SRBD1: variants seen among roughly 807,000 people sequenced by gnomAD.
SRBD1 encodes the protein S1 RNA-binding domain-containing protein 1.
Under a neutral mutation model 115.3 loss-of-function variants are expected in SRBD1, and 88 were observed. The observed-to-expected ratio is 0.76, with a 90% CI of 0.64 to 0.91. The LOEUF is 0.91. Among genes scored for constraint, SRBD1 ranks in the 40% least tolerant of loss-of-function variants. The pLI is 0.00. For missense variants in SRBD1, 1,385 were observed against 1,177.4 expected (o/e 1.18, Z -2.58); for synonymous variants, 509 against 407.7 (o/e 1.25, Z -2.99).
rs1312376605 is a variant in SRBD1 at position 45,504,639 on chromosome 2, C to T, written c.1875-16308G>A. Among the ~76,000 whole-genome samples the T allele has an allele frequency of 2.0e-5, 3 of 152,132 alleles. No individual in the cohort carries two copies. The East Asian group carries it at 5.8e-4, about 29-fold the overall frequency. ...CCAATTTCCTTCCTTAAACAGGTAGCTATCAATTACTAGAAGGCAAAAACT... is the reference window on the plus strand; with the variant it reads ...CCAATTTCCTTCCTTAAACAGGTAGTTATCAATTACTAGAAGGCAAAAACT... On this transcript the variant is annotated intron_variant, in intron 14 of 20. Coordinates refer to ENST00000263736, the MANE Select transcript of SRBD1 (RefSeq NM_018079.5).
At chr2:45,503,433 T>C (rs932272119) in intron 14 of SRBD1, among the ~76,000 whole-genome samples, 2 of 152,142 alleles carry the variant, frequency 1.3e-5, no homozygotes, top group African/African-American at 4.8e-5. Context: ...ATGTCTACTT[T>C]ACAAATTAAT....
chr2:45,447,488 T>C (rs1668862102), intron 16 of SRBD1: 1 of 152,070 alleles, frequency 6.6e-6, no homozygotes, highest in Admixed American at 6.6e-5. Flanking sequence ...ATTTCCTAAA[T>C]GGGTCAGATA....
chr2:45,580,143 G>A, intron 6 of SRBD1, 130 bp from the exon 7 acceptor site: 6 of 732,142 alleles, frequency 8.2e-6, no homozygotes, highest in Non-Finnish European at 1.2e-5. Flanking sequence ...TCTTCCTTCA[G>A]AGATGAATTA....
chr2:45,406,353 C>T (rs556867003), intron 19 of SRBD1, among the ~76,000 whole-genome samples: 2 of 152,240 alleles, frequency 1.3e-5, no homozygotes, highest in Admixed American at 6.5e-5. Context: ...AGGTGAATGT[C>T]AGAAGACACT....
chr2:45,530,203 C>G (rs1671570378), intron 14 of SRBD1, among the ~76,000 whole-genome samples: 1 of 151,858 alleles, frequency 6.6e-6, no homozygotes, highest in Non-Finnish European at 1.5e-5. Context: ...AAAAATATAC[C>G]CATTAACTGC....
intron 10 of SRBD1, among the ~76,000 whole-genome samples, chr2:45,554,303 T>C (rs1332252098): frequency 1.3e-5 from 2 of 152,224 alleles, no homozygotes; most frequent in African/African-American, 4.8e-5. Flanking sequence ...AGCTGGCATT[T>C]TGATCTTGGA....
chr2:45,491,785 A>G (rs1157751809), intron 14 of SRBD1, among the ~76,000 whole-genome samples: 3 of 152,212 alleles, frequency 2.0e-5, no homozygotes, highest in South Asian at 2.1e-4. Context: ...CAAATTTTTT[A>G]ACAAAAACCC....
intron 16 of SRBD1, among the ~76,000 whole-genome samples, chr2:45,437,082 A>C (rs1459067086): frequency 6.6e-6 from 1 of 152,182 alleles, no homozygotes. Context: ...TATAAGAAGA[A>C]AACTACAATA....
At chr2:45,444,538 T>C (rs1668762450) in intron 16 of SRBD1, among the ~76,000 whole-genome samples, 1 of 152,192 alleles carries the variant, frequency 6.6e-6, no homozygotes, top group African/African-American at 2.4e-5. Flanking sequence ...AAGTTTAAAA[T>C]AGCTTTGCTT....
At chr2:45,516,535 A>G (rs1470249374) in intron 14 of SRBD1, among the ~76,000 whole-genome samples, 4 of 152,244 alleles carry the variant, frequency 2.6e-5, no homozygotes, top group Non-Finnish European at 4.4e-5. Context: ...ATATATCTGG[A>G]ATAGTGTTCA....
chr2:45,574,648 G>C lies in SRBD1; in HGVS notation c.1148C>G (p.Thr383Arg), dbSNP rs1209270160. The stretch of plus-strand genomic sequence containing the variant: ...TCACAAGTTCCGAATGAAGTCAAGC[G>C]TGTCTTTGTCTTTAGCAATCATATC... The part of the protein sequence containing the change: ...LADMIAKDKD[T>R]LDFIRNLCQK... Residue 383 changes from threonine to arginine, a missense_variant, in exon 8 of 21, where the codon ACG becomes AGG. Transcript: ENST00000263736. 1 of 1,613,474 alleles carries C rather than the reference G, an allele frequency of 6.2e-7. No homozygotes were observed. Among genetic ancestry groups the C allele is most frequent in the Non-Finnish European group, 8.5e-7 (1 of 1,179,732 alleles).
chr2:45,460,152 C>T (rs1213589010), intron 16 of SRBD1, among the ~76,000 whole-genome samples: 1 of 152,176 alleles, frequency 6.6e-6, no homozygotes, highest in African/African-American at 2.4e-5. Flanking sequence ...ATTTTATTCA[C>T]AATCATGCCC....
At chr2:45,433,436 C>G (rs1413433948) in intron 16 of SRBD1, among the ~76,000 whole-genome samples, 1 of 150,004 alleles carries the variant, frequency 6.7e-6, no homozygotes, top group Non-Finnish European at 1.5e-5. Flanking sequence ...TAAGCTTAAC[C>G]CAGGAAAAAA....
chr2:45,529,691 C>T (rs375561148), intron 14 of SRBD1, among the ~76,000 whole-genome samples: 20 of 151,886 alleles, frequency 1.3e-4, no homozygotes, highest in African/African-American at 4.8e-4. Context: ...TTAGGGATTC[C>T]CCAAATAGGA....
intron 20 of SRBD1, among the ~76,000 whole-genome samples, chr2:45,392,160 G>C (rs1045730759): frequency 1.3e-5 from 2 of 152,060 alleles, no homozygotes; most frequent in Non-Finnish European, 2.9e-5. Context: ...AGAAGGAATA[G>C]TACAATGAAC....
At chr2:45,558,359 A>C (rs1443523251) in intron 10 of SRBD1, among the ~76,000 whole-genome samples, 1 of 152,192 alleles carries the variant, frequency 6.6e-6, no homozygotes, top group Non-Finnish European at 1.5e-5. Context: ...TTATTTAGAG[A>C]GCAAATGCAG....
chr2:45,498,398 T>G (rs1228363250), intron 14 of SRBD1, among the ~76,000 whole-genome samples: 1 of 152,184 alleles, frequency 6.6e-6, no homozygotes, highest in African/African-American at 2.4e-5. Context: ...TGTGCTCATT[T>G]TAATTTTTGA....
intron 17 of SRBD1, 90 bp downstream of exon 17, chr2:45,419,698 A>C: frequency 9.1e-7 from 1 of 1,095,582 alleles, no homozygotes; most frequent in African/African-American, 1.5e-5. Context: ...TGACAACTTT[A>C]TACACGTGTT....
intron 3 of SRBD1, among the ~76,000 whole-genome samples, chr2:45,600,978 T>G (rs1674074298): frequency 6.6e-6 from 1 of 152,178 alleles, no homozygotes; most frequent in Admixed American, 6.5e-5. Flanking sequence ...GAGAGCCCTC[T>G]GAGTATTAAA....
Sources: gnomAD v4.1 joint callset for allele counts (sites outside exome capture counted in the v4.1 genomes callset) on GRCh38, gnomAD v4.1.1 for gene constraint, MANE v1.5 for transcripts, NCBI Gene and HGNC (gene_info 2026-07-23, HGNC 2026-07-21) for gene names.